Variants in ATXN7 observed in about 807,000 individuals in gnomAD.
The protein encoded by ATXN7 is ataxin 7.
ATXN7 carries 12 observed loss-of-function variants against 70.5 expected under a neutral mutation model. That is an observed-to-expected ratio of 0.17 (90% CI 0.11 to 0.28). The LOEUF is 0.28. ATXN7 is among the 10% of genes least tolerant of loss of function. ATXN7 has a pLI of 1.00. For missense variants in ATXN7, 1,256 were observed against 1,131.7 expected (o/e 1.11, Z -1.58); for synonymous variants, 498 against 448.7 (o/e 1.11, Z -1.39).
chr3:63,880,756 C>G (rs913231065), intron 1 of ATXN7, among the ~76,000 whole-genome samples: 1 of 152,180 alleles, frequency 6.6e-6, no homozygotes, highest in African/African-American at 2.4e-5. Context: ...TTGTTACTTG[C>G]TTTAAAACCC....
chr3:63,960,392 T>C (rs1256775205), intron 5 of ATXN7, among the ~76,000 whole-genome samples: 1 of 152,102 alleles, frequency 6.6e-6, no homozygotes, highest in Non-Finnish European at 1.5e-5. Context: ...GGGAAGTCGC[T>C]GGAGGGTTTT....
intron 5 of ATXN7, among the ~76,000 whole-genome samples, chr3:63,972,289 A>T (rs550339287): frequency 6.6e-6 from 1 of 152,334 alleles, no homozygotes; most frequent in Non-Finnish European, 1.5e-5. Context: ...TTTACATTTT[A>T]TAGCCATGTA....
intron 4 of ATXN7, among the ~76,000 whole-genome samples, chr3:63,933,012 C>G (rs1177775920): frequency 6.6e-6 from 1 of 152,170 alleles, no homozygotes; most frequent in East Asian, 1.9e-4. Context: ...ACCGACAGTC[C>G]TACAGTTATT....
intron 5 of ATXN7, among the ~76,000 whole-genome samples, chr3:63,962,162 A>G (rs954031627): frequency 2.0e-4 from 30 of 152,158 alleles, no homozygotes; most frequent in Non-Finnish European, 1.5e-4. Flanking sequence ...CACATTTTGT[A>G]TGTAGAAATC....
At chr3:63,962,049 A>G (rs184938158) in intron 5 of ATXN7, among the ~76,000 whole-genome samples, 2 of 152,222 alleles carry the variant, frequency 1.3e-5, no homozygotes, top group African/African-American at 4.8e-5. Context: ...GGTACCTACT[A>G]CCTGACTGGA....
chr3:63,871,309 T>C (rs1702584754), intron 1 of ATXN7, among the ~76,000 whole-genome samples: 1 of 152,240 alleles, frequency 6.6e-6, no homozygotes, highest in Non-Finnish European at 1.5e-5. Flanking sequence ...TTTGCCATTT[T>C]ATATATAGAT....
At chr3:63,966,298 C>T (rs2075220922) in intron 5 of ATXN7, among the ~76,000 whole-genome samples, 1 of 152,160 alleles carries the variant, frequency 6.6e-6, no homozygotes, top group South Asian at 2.1e-4. Context: ...TTGGCTACCC[C>T]TGCAGGGAGG....
Position 63,912,714 on chromosome 3 carries a change from A to AGCAGCCGCC in ATXN7, c.118_119insAGCCGCCGC (p.Gln39_Pro40insGlnProPro), listed in dbSNP as rs770364745. On this transcript the variant is annotated inframe_insertion, in exon 3 of 13. Coordinates refer to ENST00000674280, the MANE Select transcript of ATXN7 (RefSeq NM_001377405.1). ...CAGCAGCAGCAGCAGCAGCAGCAGC[A>AGCAGCCGCC]GCCGCCGCCTCCGCAGCCCCAGCGG... The AGCAGCCGCC allele has an allele frequency of 8.2e-6, 10 of 1,212,564 alleles. No homozygotes were observed. In the Admixed American group the frequency reaches 2.3e-4, roughly 28 times the overall value. The allele number at this position is 1,212,564 out of a possible 1,614,324, so 75.1% of individuals were successfully genotyped here. A position where few individuals can be genotyped will look rare whatever the true frequency, so the allele number is the denominator to read the frequency against.
In ATXN7 at chr3:63,866,418, G is replaced by A. The variant is rs530166619; in HGVS notation, c.-111+2260G>A. The stretch of plus-strand genomic sequence containing the variant: ...GGCATGTTCCATGATGCCTGGCTAA[G>A]TTTTTTATTTTTATTTTTGTAGAGA... On this transcript the variant is annotated intron_variant, in intron 1 of 12. Coordinates refer to ENST00000674280, the MANE Select transcript of ATXN7 (RefSeq NM_001377405.1). Among the ~76,000 whole-genome samples, 8 of 152,034 alleles carry A rather than the reference G, an allele frequency of 5.3e-5. No homozygotes were observed. The South Asian group carries it at 1.7e-3, about 32-fold the overall frequency.
chr3:63,989,666 G>C (rs1287361808), intron 9 of ATXN7, among the ~76,000 whole-genome samples: 3 of 151,986 alleles, frequency 2.0e-5, no homozygotes, highest in Non-Finnish European at 4.4e-5. Flanking sequence ...TATACGGGAG[G>C]ATGCGCATAG....
At chr3:63,982,623 AGTGTGTGTGTGTGTGTGTGT>A (rs71099784) in intron 7 of ATXN7, among the ~76,000 whole-genome samples, 178 bp downstream of exon 7, 8 of 143,464 alleles carry the variant, frequency 5.6e-5, no homozygotes, top group Non-Finnish European at 1.1e-4. Flanking sequence ...AAAGAGCATG[AGTGTGTGTGTGTGTGTGTGT>A]GTGTGTGTGT....
At chr3:63,887,989 G>T (rs1703139471) in intron 1 of ATXN7, among the ~76,000 whole-genome samples, 1 of 151,404 alleles carries the variant, frequency 6.6e-6, no homozygotes, top group Non-Finnish European at 1.5e-5. Context: ...TCCTTTGTAA[G>T]ATACCCAGAT....
intron 4 of ATXN7, among the ~76,000 whole-genome samples, chr3:63,935,945 C>T (rs930404114): frequency 6.6e-6 from 1 of 152,096 alleles, no homozygotes; most frequent in African/African-American, 2.4e-5. Flanking sequence ...TTAGCTTAGG[C>T]AAATTGTACT....
intron 1 of ATXN7, among the ~76,000 whole-genome samples, chr3:63,898,009 T>A (rs1703496343): frequency 6.6e-6 from 1 of 152,188 alleles, no homozygotes; most frequent in Non-Finnish European, 1.5e-5. Flanking sequence ...GCTCTCCAGA[T>A]AATAATCTCA....
intron 1 of ATXN7, chr3:63,867,159 G>A (rs1158250803): frequency 6.6e-6 from 1 of 152,160 alleles, no homozygotes; most frequent in Non-Finnish European, 1.5e-5. Flanking sequence ...CCCTCCAAGG[G>A]TTGGTTTCAA....
intron 1 of ATXN7, among the ~76,000 whole-genome samples, chr3:63,869,718 C>T (rs763337649): frequency 6.6e-6 from 1 of 152,210 alleles, no homozygotes; most frequent in Non-Finnish European, 1.5e-5. Context: ...AGCTACCGCA[C>T]CCTGCTAGAG....
chr3:63,953,903 C>A (rs1169516122), intron 5 of ATXN7, among the ~76,000 whole-genome samples: 2 of 152,084 alleles, frequency 1.3e-5, no homozygotes, highest in Non-Finnish European at 2.9e-5. Context: ...CCACCTCTGC[C>A]TCCCAAAGTG....
intron 4 of ATXN7, among the ~76,000 whole-genome samples, chr3:63,947,711 C>T (rs1471234408): frequency 3.9e-5 from 6 of 152,168 alleles, no homozygotes; most frequent in Non-Finnish European, 7.3e-5. Context: ...GCTTAAAATG[C>T]CAGTGATAGT....
At chr3:63,915,028 C>G (rs1704207589) in intron 4 of ATXN7, among the ~76,000 whole-genome samples, 2 of 151,438 alleles carry the variant, frequency 1.3e-5, no homozygotes, top group African/African-American at 4.9e-5. Context: ...CTCCACCTCC[C>G]AGGTTCAAGC....
Sources: gnomAD v4.1 joint callset for allele counts (sites outside exome capture counted in the v4.1 genomes callset) on GRCh38, gnomAD v4.1.1 for gene constraint, MANE v1.5 for transcripts, NCBI Gene and HGNC (gene_info 2026-07-23, HGNC 2026-07-21) for gene names.